The following RNF180 variants were observed in gnomAD, a reference collection of about 807,000 sequenced individuals.
The protein encoded by RNF180 is E3 ubiquitin-protein ligase RNF180.
A neutral mutation model predicts 59.2 loss-of-function variants in RNF180; 38 were observed. The observed-to-expected ratio is 0.64, with a 90% confidence interval of 0.50 to 0.84. RNF180 has a LOEUF of 0.84. Ranked by LOEUF, RNF180 falls within the 40% of genes least tolerant of loss-of-function variation. The pLI is 0.00. For missense variants in RNF180, 705 were observed against 700.9 expected, an observed-to-expected ratio of 1.01 and a Z score of -0.07; for synonymous variants, 262 against 240.3, an observed-to-expected ratio of 1.09 and a Z score of -0.84.
intron 7 of RNF180, among the ~76,000 whole-genome samples, chr5:64,366,698 A>G (rs2112616766): frequency 6.6e-6 from 1 of 151,790 alleles, no homozygotes; most frequent in Non-Finnish European, 1.5e-5. Context: ...GAAAAAAAGA[A>G]TTTTAAAAGG....
intron 2 of RNF180, among the ~76,000 whole-genome samples, chr5:64,206,080 C>G (rs1752002490): frequency 6.6e-6 from 1 of 152,172 alleles, no homozygotes; most frequent in South Asian, 2.1e-4. Flanking sequence ...CTAGAGGGAG[C>G]TAGTTTGTGA....
At chr5:64,316,063 C>A (rs566651423) in intron 5 of RNF180, among the ~76,000 whole-genome samples, 2 of 152,066 alleles carry the variant, frequency 1.3e-5, no homozygotes, top group African/African-American at 2.4e-5. Context: ...CAAATAACAT[C>A]TCAGTATATT....
chr5:64,232,753 C>T (rs998119858), intron 5 of RNF180, among the ~76,000 whole-genome samples: 2 of 152,136 alleles, frequency 1.3e-5, no homozygotes, highest in Non-Finnish European at 2.9e-5. Context: ...AAACAATAAA[C>T]ATTTACATAG....
intron 5 of RNF180, among the ~76,000 whole-genome samples, chr5:64,317,319 G>GC (rs1744093392): frequency 6.6e-6 from 1 of 151,976 alleles, no homozygotes; most frequent in Non-Finnish European, 1.5e-5. Flanking sequence ...TATTAAGTGT[G>GC]CAATAGTATT....
In RNF180 at chr5:64,240,859, C is replaced by T. The variant is rs150812987; in HGVS notation, c.1227+23463C>T. Reference sequence around the variant, plus strand: ...CTTTCTGAAGTAGTGACCTACCTACCTTACATCTACATTCTTAATTTCTCT... The same window carrying T: ...CTTTCTGAAGTAGTGACCTACCTACTTTACATCTACATTCTTAATTTCTCT... On this transcript the variant is annotated intron_variant, in intron 5 of 7. Transcript: ENST00000389100. Among the ~76,000 whole-genome samples, 629 of 152,294 alleles carry T rather than the reference C, an allele frequency of 4.1e-3. 5 individuals carry two copies. The highest frequency in any genetic ancestry group is 0.02 in the Middle Eastern group (6 of 294).
chr5:64,312,964 G>T (rs977569249), intron 5 of RNF180, among the ~76,000 whole-genome samples: 1 of 152,082 alleles, frequency 6.6e-6, no homozygotes, highest in East Asian at 1.9e-4. Flanking sequence ...GCCTTTTGAA[G>T]TAAATTCAGG....
chr5:64,310,331 C>G (rs1580225421), intron 5 of RNF180, among the ~76,000 whole-genome samples: 1 of 151,720 alleles, frequency 6.6e-6, no homozygotes, highest in South Asian at 2.1e-4. Flanking sequence ...GCCACTTCCC[C>G]TAGAGATCTA....
chr5:64,346,227 C>CA (rs1435807981), intron 7 of RNF180, among the ~76,000 whole-genome samples: 1 of 150,948 alleles, frequency 6.6e-6, no homozygotes. Context: ...CCAAGGTCCT[C>CA]AACTCACATT....
At chr5:64,247,968 A>G (rs1480199773) in intron 5 of RNF180, among the ~76,000 whole-genome samples, 2 of 152,220 alleles carry the variant, frequency 1.3e-5, no homozygotes, top group African/African-American at 4.8e-5. Flanking sequence ...ATCTAAAACC[A>G]TCTGATCTTT....
chr5:64,220,079 CCT>C (rs1391902494), intron 5 of RNF180, among the ~76,000 whole-genome samples: 1 of 152,008 alleles, frequency 6.6e-6, no homozygotes, highest in Admixed American at 6.6e-5. Context: ...GTAATGATAA[CCT>C]CTTTTCAATC....
chr5:64,195,443 T>A (rs1463418404), intron 1 of RNF180, among the ~76,000 whole-genome samples: 1 of 152,174 alleles, frequency 6.6e-6, no homozygotes, highest in African/African-American at 2.4e-5. Flanking sequence ...AAGGGGTGTG[T>A]TCTCCCCAGT....
intron 7 of RNF180, among the ~76,000 whole-genome samples, chr5:64,358,506 A>G (rs1325146901): frequency 6.6e-6 from 1 of 151,852 alleles, no homozygotes; most frequent in Non-Finnish European, 1.5e-5. Flanking sequence ...GAAATGGCTC[A>G]AGAAGAACTA....
At chr5:64,358,299 A>G (rs1746107356) in intron 7 of RNF180, among the ~76,000 whole-genome samples, 2 of 151,844 alleles carry the variant, frequency 1.3e-5, no homozygotes, top group African/African-American at 4.8e-5. Context: ...CAACACACGT[A>G]ACTTTCATTG....
intron 7 of RNF180, among the ~76,000 whole-genome samples, chr5:64,360,023 G>C (rs1746186210): frequency 6.6e-6 from 1 of 152,004 alleles, no homozygotes; most frequent in African/African-American, 2.4e-5. Flanking sequence ...GTACCGTGCT[G>C]TTTTGGTTAC....
chr5:64,305,341 T>TG (rs967560225), intron 5 of RNF180, among the ~76,000 whole-genome samples: 6 of 151,636 alleles, frequency 4.0e-5, no homozygotes, highest in Admixed American at 2.0e-4. Flanking sequence ...TCTTTAACTC[T>TG]GGGGGTCCTA....
chr5:64,281,689 G>A (rs1220880032), intron 5 of RNF180, among the ~76,000 whole-genome samples: 2 of 152,098 alleles, frequency 1.3e-5, no homozygotes, highest in Non-Finnish European at 2.9e-5. Context: ...GTAGAGACAA[G>A]GTTTCACCAT....
chr5:64,332,061 A>G (rs1022392387), intron 7 of RNF180, among the ~76,000 whole-genome samples: 1 of 152,088 alleles, frequency 6.6e-6, no homozygotes, highest in Non-Finnish European at 1.5e-5. Context: ...CGCTTGCTCA[A>G]CCACACACCC....
chr5:64,340,250 CAAGTCA>C (rs1315632191), intron 7 of RNF180, among the ~76,000 whole-genome samples: 1 of 152,012 alleles, frequency 6.6e-6, no homozygotes, highest in Admixed American at 6.6e-5. Context: ...TAAACATACT[CAAGTCA>C]AAGGAATTTT....
At chr5:64,284,926 T>G (rs1742203592) in intron 5 of RNF180, among the ~76,000 whole-genome samples, 2 of 152,226 alleles carry the variant, frequency 1.3e-5, no homozygotes, top group Admixed American at 1.3e-4. Context: ...GTTCTTGCAC[T>G]GTTTCTTTCT....
Sources: allele counts gnomAD v4.1 joint callset (sites outside exome capture counted in the v4.1 genomes callset), GRCh38; gene constraint gnomAD v4.1.1; transcripts MANE v1.5; gene names NCBI Gene and HGNC (gene_info 2026-07-23, HGNC 2026-07-21).